Variants in CSMD1 observed in about 807,000 individuals in gnomAD.
CSMD1 encodes the protein CUB and sushi domain-containing protein 1.
In CSMD1, 213 loss-of-function variants were observed where a neutral mutation model predicts 417.5. The observed-to-expected ratio is 0.51, with a 90% CI of 0.46 to 0.57. CSMD1 has a LOEUF of 0.57. Ranked by LOEUF, CSMD1 falls within the 20% of genes least tolerant of loss-of-function variation. The pLI is 0.00. For missense variants in CSMD1, 6,923 were observed against 4,529.7 expected (o/e 1.53, Z -15.17); for synonymous variants, 2,862 against 1,736.8 (o/e 1.65, Z -16.11).
At chr8:4,374,222 T>TCC (rs1379398523) in intron 3 of CSMD1, among the ~76,000 whole-genome samples, 1 of 152,112 alleles carries the variant, frequency 6.6e-6, no homozygotes, top group African/African-American at 2.4e-5. Context: ...TTAACAGCAG[T>TCC]CCCCACAACA....
intron 1 of CSMD1, among the ~76,000 whole-genome samples, chr8:4,807,698 CTTATA>C (rs1798671445): frequency 6.6e-6 from 1 of 151,814 alleles, no homozygotes; most frequent in South Asian, 2.1e-4. Context: ...TAAATGTTTT[CTTATA>C]TGTTAAACTG....
At chr8:3,799,662 T>G (rs951987975) in intron 5 of CSMD1, among the ~76,000 whole-genome samples, 1 of 152,030 alleles carries the variant, frequency 6.6e-6, no homozygotes, top group Admixed American at 6.6e-5. Flanking sequence ...AGTTATGTAT[T>G]TGAGGCAAAT....
intron 2 of CSMD1, among the ~76,000 whole-genome samples, chr8:4,528,626 T>C (rs1463847890): frequency 1.3e-5 from 2 of 152,194 alleles, no homozygotes; most frequent in Admixed American, 6.5e-5. Context: ...TTAGTGTTGA[T>C]GTATAGGTTT....
At chr8:3,811,427 G>T (rs148293796) in intron 5 of CSMD1, among the ~76,000 whole-genome samples, 1 of 152,086 alleles carries the variant, frequency 6.6e-6, no homozygotes, top group South Asian at 2.1e-4. Context: ...CTTCATGTTC[G>T]ACTTACTGGG....
At chr8:4,541,471 G>A (rs1797382142) in intron 2 of CSMD1, among the ~76,000 whole-genome samples, 1 of 152,158 alleles carries the variant, frequency 6.6e-6, no homozygotes. Context: ...AAAATCGGTA[G>A]GCGTCGTGGC....
Position 4,684,934 on chromosome 8 carries a change from C to T in CSMD1, c.86-47376G>A, listed in dbSNP as rs913663797. Among the ~76,000 whole-genome samples the T allele has an allele frequency of 2.0e-5, 3 of 152,260 alleles. No homozygotes were observed. The South Asian group carries it at 6.2e-4, about 32-fold the overall frequency. ...AATTCACTAATAATCTTGCCTTTTACATTTGCTCCCAATTGCTGAAATGGA... is the reference window on the plus strand; with the variant it reads ...AATTCACTAATAATCTTGCCTTTTATATTTGCTCCCAATTGCTGAAATGGA... On this transcript the variant is annotated intron_variant, in intron 1 of 69. Transcript: ENST00000635120.
chr8:4,080,674 C>A (rs1462194546), intron 3 of CSMD1, among the ~76,000 whole-genome samples: 1 of 152,162 alleles, frequency 6.6e-6, no homozygotes, highest in Non-Finnish European at 1.5e-5. Context: ...AACAGAATCA[C>A]TGAAAATGGG....
chr8:4,023,744 G>A (rs1036364511), intron 4 of CSMD1, among the ~76,000 whole-genome samples: 1 of 140,020 alleles, frequency 7.1e-6, no homozygotes, highest in African/African-American at 2.7e-5. Flanking sequence ...CCACCGCTAC[G>A]CTCGGCTAAT....
At chr8:4,884,552 T>C (rs190313170) in intron 1 of CSMD1, among the ~76,000 whole-genome samples, 2 of 152,068 alleles carry the variant, frequency 1.3e-5, no homozygotes, top group Non-Finnish European at 2.9e-5. Context: ...TTTTTGTATA[T>C]TGAGATGGAT....
At chr8:4,822,980 T>G (rs1487515961) in intron 1 of CSMD1, among the ~76,000 whole-genome samples, 1 of 152,152 alleles carries the variant, frequency 6.6e-6, no homozygotes, top group African/African-American at 2.4e-5. Context: ...AGCAACCATT[T>G]GGGAAATCCA....
chr8:4,987,358 G>A (rs73499404), intron 1 of CSMD1, among the ~76,000 whole-genome samples: 4,980 of 152,236 alleles, frequency 0.033, 260 homozygotes, highest in African/African-American at 0.11. Context: ...GGTGACAGGC[G>A]TGTTCAGTAC....
At chr8:3,740,963 C>G (rs957373418) in intron 6 of CSMD1, among the ~76,000 whole-genome samples, 1 of 151,864 alleles carries the variant, frequency 6.6e-6, no homozygotes, top group Non-Finnish European at 1.5e-5. Flanking sequence ...CACCTGTAAC[C>G]CCAGCACTTT....
chr8:3,670,772 T>G (rs369835549), intron 7 of CSMD1, among the ~76,000 whole-genome samples: 1 of 113,984 alleles, frequency 8.8e-6, no homozygotes, highest in Admixed American at 8.5e-5. Flanking sequence ...ATGGGATATA[T>G]AAGTATACGG....
intron 1 of CSMD1, among the ~76,000 whole-genome samples, chr8:4,951,452 G>A (rs1029864454): frequency 2.7e-5 from 4 of 148,068 alleles, no homozygotes; most frequent in Non-Finnish European, 5.9e-5. Flanking sequence ...AGGGAAGGAA[G>A]GAAGGAAAGA....
intron 5 of CSMD1, among the ~76,000 whole-genome samples, chr8:3,818,018 C>A (rs566939906): frequency 1.3e-5 from 2 of 152,166 alleles, no homozygotes; most frequent in Non-Finnish European, 2.9e-5. Context: ...TATTTTAAAA[C>A]CTTCCAACCC....
intron 3 of CSMD1, among the ~76,000 whole-genome samples, chr8:4,379,901 C>T (rs1006362645): frequency 6.6e-6 from 1 of 152,186 alleles, no homozygotes. Context: ...GTGTTCCACA[C>T]ACTGGACGTG....
intron 3 of CSMD1, among the ~76,000 whole-genome samples, chr8:4,069,243 A>C (rs905594957): frequency 6.6e-6 from 1 of 152,168 alleles, no homozygotes; most frequent in Non-Finnish European, 1.5e-5. Context: ...GAAAATCAAA[A>C]ATTTTGGTAA....
At chr8:3,253,445 C>A (rs1281570680) in intron 26 of CSMD1, among the ~76,000 whole-genome samples, 3 of 152,022 alleles carry the variant, frequency 2.0e-5, no homozygotes, top group Non-Finnish European at 4.4e-5. Flanking sequence ...TGCTTTACTT[C>A]CAACTATGTG....
intron 3 of CSMD1, among the ~76,000 whole-genome samples, chr8:4,357,971 A>C (rs573887329): frequency 1.3e-5 from 2 of 152,272 alleles, no homozygotes; most frequent in Admixed American, 1.3e-4. Context: ...AATGAGACTC[A>C]GTTTAAGATG....
Sources: allele counts gnomAD v4.1 joint callset (sites outside exome capture counted in the v4.1 genomes callset), GRCh38; gene constraint gnomAD v4.1.1; transcripts MANE v1.5; gene names NCBI Gene and HGNC (gene_info 2026-07-23, HGNC 2026-07-21).